The following TMEM67 variants were observed in gnomAD, a reference collection of about 807,000 sequenced individuals.
The protein encoded by TMEM67 is transmembrane protein 67.
TMEM67 carries 124 observed loss-of-function variants against 136.6 expected under a neutral mutation model. The observed-to-expected ratio is 0.91, with a 90% CI of 0.78 to 1.05. The LOEUF (loss-of-function observed/expected upper bound fraction) is 1.05, where lower values mean the gene tolerates loss of function less well. TMEM67 is among the 50% of genes least tolerant of loss of function. TMEM67 has a pLI of 0.00. For synonymous variants in TMEM67, 364 were observed against 390.5 expected (o/e 0.93, Z 0.80); for missense variants, 1,107 against 1,178.4 (o/e 0.94, Z 0.89).
At chr8:93,765,081 A>G (rs1337895590) in intron 4 of TMEM67, among the ~76,000 whole-genome samples, 1 of 152,208 alleles carries the variant, frequency 6.6e-6, no homozygotes, top group Non-Finnish European at 1.5e-5. Flanking sequence ...AATTGTAAAA[A>G]TTGGGTTTCA....
chr8:93,780,649 G>A lies in TMEM67; in HGVS notation c.771G>A (p.Met257Ile), dbSNP rs1813776988. 6.2e-7 allele frequency: 1 copy of A among 1,614,102 alleles called. No homozygotes were observed. Among genetic ancestry groups the A allele is most frequent in the Non-Finnish European group, 8.5e-7 (1 of 1,180,030 alleles). Residue 257 changes from methionine to isoleucine, a missense_variant, in exon 8 of 28, where the codon ATG becomes ATA. By Grantham distance (10) the Met-to-Ile change is conservative. This residue lies in a region of TMEM67 where 925 missense variants were observed against 1,002.4 expected (regional missense o/e 0.92). Transcript: ENST00000453321. ...QALGNMCVMN[M>I]NSYDFATFDA... ...TTGGAAATATGTGTGTGATGAACATGAATTCTTACGACTTTGCCACATTTG... is the reference window on the plus strand; with the variant it reads ...TTGGAAATATGTGTGTGATGAACATAAATTCTTACGACTTTGCCACATTTG...
intron 7 of TMEM67, among the ~76,000 whole-genome samples, chr8:93,779,301 A>C (rs1012884774): frequency 6.6e-6 from 1 of 152,152 alleles, no homozygotes; most frequent in African/African-American, 2.4e-5. Context: ...GGGTTCGAAC[A>C]TCCTCCTTTA....
chr8:93,799,710 G>C lies in TMEM67; in HGVS notation c.2193G>C (p.Leu731Phe), dbSNP rs1211421548. The change falls in exon 21 of 28, where the codon TTG becomes TTC. Residue 731 changes from leucine (L) to phenylalanine (F), a missense_variant. Transcript: ENST00000453321. ...PSYIAPYSCI[L>F]RYAVSAALWL... ...ACATAGCTCCTTATAGCTGCATTTT[G>C]AGATATGCAGTGTCTGCTGCTCTTT... The C allele has an allele frequency of 7.4e-6, 12 of 1,613,330 alleles. No homozygotes were observed. The highest frequency in any genetic ancestry group is 9.3e-6 in the Non-Finnish European group (11 of 1,179,406).
In TMEM67 at chr8:93,813,809, T is replaced by G. The variant is rs571175779; in HGVS notation, c.2765-1496T>G. 9.9e-5 allele frequency among the ~76,000 whole-genome samples: 15 copies of G among 152,254 alleles called. No homozygotes were observed. The South Asian group carries it at 3.1e-3, about 32-fold the overall frequency. On this transcript the variant is annotated intron_variant, in intron 26 of 27. Coordinates refer to ENST00000453321, the MANE Select transcript of TMEM67 (RefSeq NM_153704.6). ...GGAGAAAGTAGAAGCACACAATAAA[T>G]TGAGGAGTTGCTATCATATGAAGTC...
At chr8:93,824,837 C>T in the TMEM67 span, among the ~76,000 whole-genome samples, 1 of 152,260 alleles carries the variant, frequency 6.6e-6, no homozygotes, top group African/African-American at 2.4e-5. Context: ...ACCTCAGCCT[C>T]TTGAGTAGCT....
intron 7 of TMEM67, among the ~76,000 whole-genome samples, chr8:93,775,847 G>T (rs1437489977): frequency 4.6e-5 from 7 of 152,068 alleles, no homozygotes; most frequent in Non-Finnish European, 7.4e-5. Flanking sequence ...CTCTTTTTTG[G>T]TTCCACAGGA....
At chr8:93,762,500 T>C (rs1222446323) in intron 3 of TMEM67, among the ~76,000 whole-genome samples, 1 of 152,014 alleles carries the variant, frequency 6.6e-6, no homozygotes, top group Non-Finnish European at 1.5e-5. Flanking sequence ...CCTGGTCTTA[T>C]TTTTTCAGAG....
chr8:93,778,522 C>G lies in TMEM67; in HGVS notation c.715-2071C>G, dbSNP rs149909885. ...TGTTCCTTCCCATGTTTAGTGCTTC[C>G]TTCAGGAGCTTATGTAAGGCAGGCC... is the stretch of plus-strand genomic sequence containing the variant. On this transcript the variant is annotated intron_variant, in intron 7 of 27. Transcript: ENST00000453321. 5.6e-3 allele frequency among the ~76,000 whole-genome samples: 849 copies of G among 152,280 alleles called. 4 individuals are homozygous for G. Among genetic ancestry groups the G allele is most frequent in the Non-Finnish European group, 8.8e-3 (598 of 68,018 alleles).
At chr8:93,786,383 TATC>T (rs768879723) in intron 13 of TMEM67, 37 bp downstream of exon 13, 2 of 1,606,406 alleles carry the variant, frequency 1.2e-6, no homozygotes, top group South Asian at 1.1e-5. Flanking sequence ...TATGGGAAAA[TATC>T]ATAATGGAAG....
At chr8:93,807,807 G>A (rs1378313024) in intron 23 of TMEM67, among the ~76,000 whole-genome samples, 7 of 151,976 alleles carry the variant, frequency 4.6e-5, no homozygotes, top group Non-Finnish European at 1.0e-4. Flanking sequence ...TTAACCTGTG[G>A]AGTAGGTAGA....
chr8:93,789,642 T>C, intron 14 of TMEM67, among the ~76,000 whole-genome samples: 1 of 137,582 alleles, frequency 7.3e-6, no homozygotes. Context: ...TGAAACTCTG[T>C]CTCAAAAAAA....
At chr8:93,799,231 G>A (rs1027203800) in intron 20 of TMEM67, among the ~76,000 whole-genome samples, 1 of 152,030 alleles carries the variant, frequency 6.6e-6, no homozygotes, top group African/African-American at 2.4e-5. Context: ...CTGTTTTAAA[G>A]TATAAAAATG....
intron 7 of TMEM67, 53 bp downstream of exon 7, chr8:93,772,704 T>C: frequency 7.4e-7 from 1 of 1,358,188 alleles, no homozygotes. Context: ...AATTATACCA[T>C]TTATTTACCC....
At chr8:93,795,836 A>AAAACAAAC in intron 17 of TMEM67, 65 bp from the exon 18 acceptor site, 1 of 1,338,448 alleles carries the variant, frequency 7.5e-7, no homozygotes, top group African/African-American at 1.5e-5. Flanking sequence ...ACGAAAACAA[A>AAAACAAAC]AAACAAACAA....
At chr8:93,823,527 T>C, downstream of TMEM67, among the ~76,000 whole-genome samples, 1 of 152,090 alleles carries the variant, frequency 6.6e-6, no homozygotes, top group Non-Finnish European at 1.5e-5. Flanking sequence ...GTTTGGGTAG[T>C]CTGCAAAGGC....
intron 26 of TMEM67, among the ~76,000 whole-genome samples, chr8:93,812,233 G>C (rs569018075): frequency 2.0e-5 from 3 of 152,200 alleles, no homozygotes; most frequent in Non-Finnish European, 4.4e-5. Flanking sequence ...AAGCAGATCT[G>C]ATTTGTAAAT....
intron 16 of TMEM67, among the ~76,000 whole-genome samples, chr8:93,794,436 C>G (rs1052150310): frequency 2.0e-5 from 3 of 152,176 alleles, no homozygotes; most frequent in African/African-American, 7.2e-5. Flanking sequence ...TGAATCCGCA[C>G]AGTAGCTCTT....
intron 9 of TMEM67, 60 bp downstream of exon 9, chr8:93,781,042 A>T: frequency 8.5e-7 from 1 of 1,172,182 alleles, no homozygotes. Flanking sequence ...TTTAAAAGGT[A>T]ATAAAGTTAC....
chr8:93,755,922 C>G (rs1400548065), intron 2 of TMEM67, 56 bp downstream of exon 2: 1 of 930,018 alleles, frequency 1.1e-6, no homozygotes, highest in Non-Finnish European at 1.7e-6. Flanking sequence ...AGTTAAATAT[C>G]TTTATTTTTC....
Sources: allele counts gnomAD v4.1 joint callset (sites outside exome capture counted in the v4.1 genomes callset), GRCh38; gene constraint gnomAD v4.1.1; regional missense constraint gnomAD v4.1.1; transcripts MANE v1.5; gene names NCBI Gene and HGNC (gene_info 2026-07-23, HGNC 2026-07-21).